SFTPD: variants seen among roughly 807,000 people sequenced by gnomAD.
SFTPD encodes surfactant protein D, also known as pulmonary surfactant-associated protein D.
SFTPD carries 18 observed loss-of-function variants against 34.6 expected under a neutral mutation model. The ratio of observed to expected loss-of-function variants is 0.52; its 90% CI spans 0.36 to 0.77. SFTPD has a LOEUF of 0.77. Ranked by LOEUF, SFTPD falls within the 30% of genes least tolerant of loss-of-function variation. The probability of loss-of-function intolerance (pLI) is 0.00; values close to 1 mark genes in which losing one functional copy is unlikely to be tolerated. For missense variants in SFTPD, 433 were observed against 468.9 expected (o/e 0.92, Z 0.71); for synonymous variants, 155 against 180.9 (o/e 0.86, Z 1.15).
At chr10:79,981,564 C>G (rs565868130) in intron 1 of SFTPD, among the ~76,000 whole-genome samples, 3 of 152,184 alleles carry the variant, frequency 2.0e-5, no homozygotes, top group East Asian at 2.0e-4. Flanking sequence ...CCAGGGGGAG[C>G]GAGGCGACGG....
chr10:79,955,772 T>G (rs1842735120), intron 1 of SFTPD, among the ~76,000 whole-genome samples: 1 of 152,236 alleles, frequency 6.6e-6, no homozygotes, highest in Admixed American at 6.5e-5. Context: ...ACTCTTTGTT[T>G]CTTTAAATAT....
rs146898631 is a variant in SFTPD at position 79,974,783 on chromosome 10, C to T, written c.36+7792G>A. Among the ~76,000 whole-genome samples, 71 of 152,172 alleles carry T rather than the reference C, an allele frequency of 4.7e-4. 1 individual carries two copies. Among genetic ancestry groups the T allele is most frequent in the Admixed American group, 1.4e-3 (21 of 15,290 alleles). On this transcript the variant is annotated intron_variant, in intron 1 of 5. Coordinates refer to the SFTPD transcript ENST00000444384. ...GGAGTCTTTTCTTTGGCAGAAATGC[C>T]GAGACCAGCTCGGTCAGGGAGACCT...
chr10:79,942,760 C>T lies in SFTPD; in HGVS notation c.316+3G>A. On this transcript the variant is annotated splice_donor_region_variant and intron_variant, in intron 3 of 7. Coordinates refer to ENST00000372292, the MANE Select transcript of SFTPD (RefSeq NM_003019.5). ...CACCTGAAGTCGACACCCAGTTGCT[C>T]ACCACTTGGCCCAGTGTCTCCCTTT... 1 of 1,588,712 alleles carries T rather than the reference C, an allele frequency of 6.3e-7. No homozygotes were observed. Among genetic ancestry groups the T allele is most frequent in the Non-Finnish European group, 8.6e-7 (1 of 1,156,802 alleles).
chr10:79,940,058 G>A (rs575578059), intron 7 of SFTPD, among the ~76,000 whole-genome samples: 5 of 152,302 alleles, frequency 3.3e-5, no homozygotes, highest in Non-Finnish European at 5.9e-5. Context: ...CCAAGAGCAC[G>A]TCTAAGGTGA....
At chr10:79,960,846 T>A (rs886910674) in intron 1 of SFTPD, among the ~76,000 whole-genome samples, 1 of 152,198 alleles carries the variant, frequency 6.6e-6, no homozygotes, top group Non-Finnish European at 1.5e-5. Context: ...AAGTCAACCC[T>A]AAGCCAAAAG....
At chr10:79,944,076 C>T (rs17882021) in intron 2 of SFTPD, among the ~76,000 whole-genome samples, 4,460 of 152,320 alleles carry the variant, frequency 0.029, 94 homozygotes, top group Non-Finnish European at 0.044. Context: ...GTAGTGTACC[C>T]AGAGACCTAG....
intron 1 of SFTPD, among the ~76,000 whole-genome samples, chr10:79,956,413 G>T (rs1414238057): frequency 6.6e-6 from 1 of 152,270 alleles, no homozygotes; most frequent in Non-Finnish European, 1.5e-5. Context: ...AAAGAAAGGG[G>T]TGACAGATGG....
At chr10:79,953,621 C>T (rs1237177061), upstream of SFTPD, among the ~76,000 whole-genome samples, 1 of 151,852 alleles carries the variant, frequency 6.6e-6, no homozygotes, top group African/African-American at 2.4e-5. Context: ...CAGTATAGAC[C>T]TCTTTGGGTT....
rs781195445 is a variant in SFTPD at position 79,942,421 on chromosome 10, T to C, written c.400A>G (p.Lys134Glu). Reference protein sequence around the residue: ...GKQGNIGPQGKPGPKGEAGPK... With the variant: ...GKQGNIGPQGEPGPKGEAGPK... ...CCAGCTTCTCCTTTTGGGCCTGGCT[T>C]GCCCTGAGGTCCTATGTTCCCCTGC... The change falls in exon 4 of 8, where the codon AAG (lysine) becomes GAG (glutamate). Residue 134 changes from lysine (K) to glutamate (E), a missense_variant. Physicochemically the swap from Lys to Glu is moderately conservative, Grantham distance 56. Transcript: ENST00000372292. The C allele has an allele frequency of 1.9e-5, 31 of 1,613,046 alleles. No homozygotes were observed. Among genetic ancestry groups the C allele is most frequent in the Non-Finnish European group, 2.6e-5 (31 of 1,179,216 alleles).
At chr10:79,956,902 A>AG (rs1254024899) in intron 1 of SFTPD, among the ~76,000 whole-genome samples, 6 of 152,156 alleles carry the variant, frequency 3.9e-5, no homozygotes, top group African/African-American at 1.2e-4. Context: ...GGCACCCCCC[A>AG]GTAGGGACAG....
At chr10:79,976,180 T>C (rs1311560408) in intron 1 of SFTPD, among the ~76,000 whole-genome samples, 1 of 152,204 alleles carries the variant, frequency 6.6e-6, no homozygotes, top group African/African-American at 2.4e-5. Context: ...ATCAAAGTGA[T>C]GGCCTTTGGT....
chr10:79,951,989 A>G (rs1045900143), upstream of SFTPD, among the ~76,000 whole-genome samples: 1 of 152,216 alleles, frequency 6.6e-6, no homozygotes, highest in East Asian at 1.9e-4. Context: ...CAGGAAGGCA[A>G]TCCACTTTCC....
At chr10:79,945,280 G>A (rs907020960) in intron 2 of SFTPD, among the ~76,000 whole-genome samples, 1 of 152,126 alleles carries the variant, frequency 6.6e-6, no homozygotes. Context: ...CTGAGAAAGA[G>A]CTGCCAAGAT....
chr10:79,981,553 C>T (rs1287472078), intron 1 of SFTPD, among the ~76,000 whole-genome samples: 10 of 152,192 alleles, frequency 6.6e-5, no homozygotes, highest in Non-Finnish European at 1.5e-4. Context: ...GCCAGCCCAG[C>T]CCAGGGGGAG....
chr10:79,958,713 C>T (rs1842754477), intron 1 of SFTPD, among the ~76,000 whole-genome samples: 1 of 152,210 alleles, frequency 6.6e-6, no homozygotes, highest in South Asian at 2.1e-4. Flanking sequence ...TAACACCCCA[C>T]TGTCAACATT....
intron 1 of SFTPD, among the ~76,000 whole-genome samples, chr10:79,979,334 A>G (rs1178266005): frequency 6.6e-6 from 1 of 152,174 alleles, no homozygotes; most frequent in Non-Finnish European, 1.5e-5. Context: ...CGCACAAAAA[A>G]ACACCTTCAT....
intron 7 of SFTPD, among the ~76,000 whole-genome samples, chr10:79,940,328 C>T (rs1336457597): frequency 6.6e-6 from 1 of 152,208 alleles, no homozygotes; most frequent in African/African-American, 2.4e-5. Flanking sequence ...CTCAGGACAA[C>T]AATTTATCTC....
intron 1 of SFTPD, among the ~76,000 whole-genome samples, chr10:79,958,539 G>C (rs985073007): frequency 3.9e-5 from 6 of 152,186 alleles, no homozygotes; most frequent in Non-Finnish European, 8.8e-5. Context: ...GATCAAAAGA[G>C]ACAAAGAAGG....
At chr10:79,951,265 T>C (rs1359807528), upstream of SFTPD, among the ~76,000 whole-genome samples, 4 of 152,202 alleles carry the variant, frequency 2.6e-5, no homozygotes, top group Non-Finnish European at 4.4e-5. Flanking sequence ...ATACTGGTTT[T>C]TCGTACTTCC....
Sources: allele counts gnomAD v4.1 joint callset (sites outside exome capture counted in the v4.1 genomes callset), GRCh38; gene constraint gnomAD v4.1.1; transcripts MANE v1.5; gene names NCBI Gene and HGNC (gene_info 2026-07-23, HGNC 2026-07-21).